The following DNLZ variants were observed in gnomAD, a reference collection of about 807,000 sequenced individuals.
The protein encoded by DNLZ is DNL-type zinc finger, also known as DNL-type zinc finger protein.
Under a neutral mutation model 7.8 loss-of-function variants are expected in DNLZ, and 15 were observed. The ratio of observed to expected loss-of-function variants is 1.91; its 90% CI spans 1.28 to 2.95. The LOEUF is 2.95. DNLZ is among the 30% of genes most tolerant of loss of function. The pLI is 0.00. For synonymous variants in DNLZ, 123 were observed against 77.8 expected (o/e 1.58, Z -3.05); for missense variants, 255 against 167.3 (o/e 1.52, Z -2.89).
At position 136,361,252 on chromosome 9, in the gene DNLZ, T is replaced by C. The variant is rs1370499808; in HGVS notation, c.*760A>G. 2.6e-5 allele frequency: 4 copies of C among 152,136 alleles called. No homozygotes were observed. The highest frequency in any genetic ancestry group is 5.9e-5 in the Non-Finnish European group (4 of 68,056). The allele number at this position is 152,136 out of a possible 1,614,324, so 9.4% of individuals were successfully genotyped here. A position where few individuals can be genotyped will look rare whatever the true frequency, so the allele number is the denominator to read the frequency against. On this transcript the variant is annotated 3_prime_UTR_variant, in exon 3 of 3. Coordinates refer to ENST00000371738, the MANE Select transcript of DNLZ (RefSeq NM_001080849.3). ...CGCCCCATTCTCTTCCCTGCCGGAG[T>C]GTGGCGGGTGATGAATGCTGAAGGT... is the stretch of plus-strand genomic sequence containing the variant.
rs778791770 is a variant in DNLZ at position 136,363,085 on chromosome 9, T to A, written c.272A>T (p.Tyr91Phe). Reference sequence around the variant, plus strand: ...GGTCACAATGACCACGCCTTGGTGATAGGCCAGCTTGGAGATGCGCTTGGA... The same window carrying A: ...GGTCACAATGACCACGCCTTGGTGAAAGGCCAGCTTGGAGATGCGCTTGGA... ...RSSKRISKLA[Y>F]HQGVVIVTCP... Residue 91 changes from tyrosine to phenylalanine, a missense_variant, in exon 2 of 3, where the codon TAT (tyrosine) becomes TTT (phenylalanine). Coordinates refer to ENST00000371738, the MANE Select transcript of DNLZ (RefSeq NM_001080849.3). 6.2e-7 allele frequency: 1 copy of A among 1,613,656 alleles called. No individual in the cohort carries two copies. Among genetic ancestry groups the A allele is most frequent in the Non-Finnish European group, 8.5e-7 (1 of 1,179,986 alleles).
chr9:136,363,354 C>T, intron 1 of DNLZ, 133 bp downstream of exon 1: 4 of 715,744 alleles, frequency 5.6e-6, no homozygotes, highest in Admixed American at 1.9e-5. Flanking sequence ...CCCAGAAGCC[C>T]CAAGGGGTGG....
At chr9:136,363,241 GC>G in intron 1 of DNLZ, 113 bp from the exon 2 acceptor site, 1 of 1,205,920 alleles carries the variant, frequency 8.3e-7, no homozygotes, top group Non-Finnish European at 1.1e-6. Flanking sequence ...AGAAGGCCCC[GC>G]CCCCGAGGGA....
rs749172834 is a variant in DNLZ, at chr9:136,362,972, T to C, written c.368+17A>G. Reference sequence around the variant, plus strand: ...TCTGGGTGGCCTTCTGGCCCAGCCCTGGGGTACAGGCCTCACCTCTTCCCA... The same window carrying C: ...TCTGGGTGGCCTTCTGGCCCAGCCCCGGGGTACAGGCCTCACCTCTTCCCA... On this transcript the variant is annotated intron_variant, in intron 2 of 2. Coordinates refer to ENST00000371738, the MANE Select transcript of DNLZ (RefSeq NM_001080849.3). 4.6e-5 allele frequency: 74 copies of C among 1,612,932 alleles called. No homozygotes were observed. Among genetic ancestry groups the C allele is most frequent in the Admixed American group, 1.0e-4 (6 of 59,984 alleles).
At position 136,361,723 on chromosome 9, in the gene DNLZ, C is replaced by T; in HGVS notation, c.*289G>A. 3.0e-6 allele frequency: 1 copy of T among 334,824 alleles called. No homozygotes were observed. The highest frequency in any genetic ancestry group is 4.5e-5 in the East Asian group (1 of 22,150). The allele number at this position is 334,824 out of a possible 1,614,324, so 20.7% of individuals were successfully genotyped here. On this transcript the variant is annotated 3_prime_UTR_variant, in exon 3 of 3. Coordinates refer to ENST00000371738, the MANE Select transcript of DNLZ (RefSeq NM_001080849.3). ...GGAAGGGCTCTGACGCCACATCCAG[C>T]CCCCTTTCCACGCGACTGTGGCCTC...
Position 136,363,072 on chromosome 9 carries a change from C to T in DNLZ, c.285G>A (p.Val95=). 1.2e-6 allele frequency: 2 copies of T among 1,613,702 alleles called. No individual in the cohort carries two copies. The highest frequency in any genetic ancestry group is 1.7e-6 in the Non-Finnish European group (2 of 1,179,964). ...GGCAGCCGGGGCAGGTCACAATGAC[C>T]ACGCCTTGGTGATAGGCCAGCTTGG... The part of the protein sequence containing the change: ...RISKLAYHQG[V]VIVTCPGCQN... Residue 95 remains valine, a synonymous_variant, in exon 2 of 3, where the codon GTG becomes GTA. Transcript: ENST00000371738.
chr9:136,360,034 T>G lies in DNLZ; in HGVS notation c.*1978A>C, dbSNP rs1832954587. ...CCACAGTGGAGGAGCCGACGGCAGA[T>G]CTGCAGTCTTGGGGCTTGTCTGGGC... is the stretch of plus-strand genomic sequence containing the variant. On this transcript the variant is annotated 3_prime_UTR_variant, in exon 3 of 3. Transcript: ENST00000371738. The G allele has an allele frequency of 6.6e-6, 1 of 152,214 alleles. No homozygotes were observed. Among genetic ancestry groups the G allele is most frequent in the Admixed American group, 6.5e-5 (1 of 15,280 alleles). The allele number at this position is 152,214 out of a possible 1,614,324, so 9.4% of individuals were successfully genotyped here. A position where few individuals can be genotyped will look rare whatever the true frequency, so the allele number is the denominator to read the frequency against.
At chr9:136,362,289 G>C (rs1293107645) in intron 2 of DNLZ, 109 bp from the exon 3 acceptor site, 6 of 1,010,058 alleles carry the variant, frequency 5.9e-6, no homozygotes, top group Non-Finnish European at 7.9e-6. Context: ...ACCAGGCCCA[G>C]CACTCCTGTG....
In DNLZ at chr9:136,360,992, G is replaced by A. The variant is rs1238027013; in HGVS notation, c.*1020C>T. ...GTGCCGGTGGCTCAGCCGAGAAGAGGACAGTTTCCACAAATGGCACAGAAG... is the reference window on the plus strand; with the variant it reads ...GTGCCGGTGGCTCAGCCGAGAAGAGAACAGTTTCCACAAATGGCACAGAAG... On this transcript the variant is annotated 3_prime_UTR_variant, in exon 3 of 3. Transcript: ENST00000371738. The A allele has an allele frequency of 2.6e-5, 4 of 152,252 alleles. No individual in the cohort carries two copies. The highest frequency in any genetic ancestry group is 2.1e-4 in the South Asian group (1 of 4,818). 9.4% of individuals were successfully genotyped at this position (152,252 alleles called of 1,614,324 possible).
At position 136,361,560 on chromosome 9, in the gene DNLZ, G is replaced by A. The variant is rs935934360; in HGVS notation, c.*452C>T. 7.0e-5 allele frequency: 11 copies of A among 156,546 alleles called. No individual in the cohort carries two copies. Among genetic ancestry groups the A allele is most frequent in the East Asian group, 5.6e-4 (3 of 5,372 alleles). 9.7% of individuals were successfully genotyped at this position (156,546 alleles called of 1,614,324 possible). ...ACTGTTTCGCCGACGGCCGGCGGCC[G>A]AGGACCAGGGCTCAGGTCTGCACTG... is the stretch of plus-strand genomic sequence containing the variant. On this transcript the variant is annotated 3_prime_UTR_variant, in exon 3 of 3. Coordinates refer to ENST00000371738, the MANE Select transcript of DNLZ (RefSeq NM_001080849.3).
Position 136,363,739 on chromosome 9 carries a change from T to TGCCCCGGCCCTGCCCCG in DNLZ, c.-26_-25insCGGGGCAGGGCCGGGGC, listed in dbSNP as rs1554774484. On this transcript the variant is annotated 5_prime_UTR_variant, in exon 1 of 3. Transcript: ENST00000371738. ...TCCCGCTCGCCGGCTCCGTCCGCCC[T>TGCCCCGGCCCTGCCCCG]GCCCCGGCCCCGCCCCGCCGCCATC... 1.5e-5 allele frequency: 7 copies of TGCCCCGGCCCTGCCCCG among 481,198 alleles called. No individual in the cohort carries two copies. Among genetic ancestry groups the TGCCCCGGCCCTGCCCCG allele is most frequent in the Non-Finnish European group, 2.5e-5 (7 of 278,472 alleles). 29.8% of individuals were successfully genotyped at this position (481,198 alleles called of 1,614,324 possible). A position where few individuals can be genotyped will look rare whatever the true frequency, so the allele number is the denominator to read the frequency against.
In DNLZ at chr9:136,363,099, G is replaced by A; in HGVS notation, c.258C>T (p.Ile86=). 1 of 1,613,540 alleles carries A rather than the reference G, an allele frequency of 6.2e-7. No homozygotes were observed. The highest frequency in any genetic ancestry group is 8.5e-7 in the Non-Finnish European group (1 of 1,179,980). Residue 86 remains isoleucine (I), a synonymous_variant, in exon 2 of 3, where the codon ATC becomes ATT. Coordinates refer to ENST00000371738, the MANE Select transcript of DNLZ (RefSeq NM_001080849.3). ...KVCGTRSSKR[I]SKLAYHQGVV... ...CGCCTTGGTGATAGGCCAGCTTGGA[G>A]ATGCGCTTGGAGGACCTAGTCCCGC...
chr9:136,363,266 C>T, intron 1 of DNLZ, 138 bp from the exon 2 acceptor site: 1 of 1,006,282 alleles, frequency 9.9e-7, no homozygotes, highest in East Asian at 2.6e-5. Flanking sequence ...CTCCACCCAC[C>T]CCCAACCTCG....
chr9:136,361,008 G>A lies in DNLZ; in HGVS notation c.*1004C>T, dbSNP rs1209061967. Reference sequence around the variant, plus strand: ...CGAGAAGAGGACAGTTTCCACAAATGGCACAGAAGGCTCTGGGTGGGAATA... The same window carrying A: ...CGAGAAGAGGACAGTTTCCACAAATAGCACAGAAGGCTCTGGGTGGGAATA... On this transcript the variant is annotated 3_prime_UTR_variant, in exon 3 of 3. Transcript: ENST00000371738. 1 of 152,294 alleles carries A rather than the reference G, an allele frequency of 6.6e-6. No homozygotes were observed. Among genetic ancestry groups the A allele is most frequent in the East Asian group, 1.9e-4 (1 of 5,198 alleles). 9.4% of individuals were successfully genotyped at this position (152,294 alleles called of 1,614,324 possible). A position where few individuals can be genotyped will look rare whatever the true frequency, so the allele number is the denominator to read the frequency against.
intron 2 of DNLZ, among the ~76,000 whole-genome samples, chr9:136,362,647 G>T (rs762695775): frequency 3.9e-5 from 6 of 152,226 alleles, no homozygotes; most frequent in African/African-American, 1.4e-4. Flanking sequence ...AAGCCTTGCT[G>T]TGGGCCAGCC....
Position 136,363,699 on chromosome 9 carries a change from G to C in DNLZ, c.16C>G (p.Leu6Val). Residue 6 changes from leucine (L) to valine (V), a missense_variant, in exon 1 of 3, where the codon CTG becomes GTG. By Grantham distance (32) the Leu-to-Val change is conservative. Coordinates refer to ENST00000371738, the MANE Select transcript of DNLZ (RefSeq NM_001080849.3). MLRTA[L>V]RGAPRLLSRV... ...CTCAGCAACCTCGGCGCGCCGCGCAGCGCAGTCCGCAGCATCCCGCTCGCC... is the reference window on the plus strand; with the variant it reads ...CTCAGCAACCTCGGCGCGCCGCGCACCGCAGTCCGCAGCATCCCGCTCGCC... 2.2e-6 allele frequency: 1 copy of C among 457,836 alleles called. No homozygotes were observed. The highest frequency in any genetic ancestry group is 3.4e-5 in the South Asian group (1 of 29,386). 28.4% of individuals were successfully genotyped at this position (457,836 alleles called of 1,614,324 possible).
rs754717478 is a variant in DNLZ, at chr9:136,362,046, C to A, written c.503G>T (p.Gly168Val). 7 of 1,395,836 alleles carry A rather than the reference C, an allele frequency of 5.0e-6. No homozygotes were observed. In the East Asian group the frequency reaches 1.7e-4, roughly 34 times the overall value. 86.5% of individuals were successfully genotyped at this position (1,395,836 alleles called of 1,614,324 possible). The change falls in exon 3 of 3, where the codon GGT becomes GTT. Residue 168 changes from glycine to valine, a missense_variant. Coordinates refer to ENST00000371738, the MANE Select transcript of DNLZ (RefSeq NM_001080849.3). ...CTCCGTCTTGCCAGGGCTGGGGGGA[C>A]CCTCATCCTCACCCGCTTCCGGAGC... ...TAAPEAGEDE[G>V]PPSPGKTEPS
In DNLZ at chr9:136,361,979, G is replaced by A. The variant is rs1832987091; in HGVS notation, c.*33C>T. 3 of 1,265,144 alleles carry A rather than the reference G, an allele frequency of 2.4e-6. No individual in the cohort carries two copies. The highest frequency in any genetic ancestry group is 3.9e-5 in the Admixed American group (1 of 25,518). 78.4% of individuals were successfully genotyped at this position (1,265,144 alleles called of 1,614,324 possible). On this transcript the variant is annotated 3_prime_UTR_variant, in exon 3 of 3. Coordinates refer to ENST00000371738, the MANE Select transcript of DNLZ (RefSeq NM_001080849.3). The stretch of plus-strand genomic sequence containing the variant: ...CAGGGCCAAAACCTCCTTCTGGAAG[G>A]CCGAAGTCCCACAGTGCCGGGGAGC...
rs936216841 is a variant in DNLZ at position 136,362,196 on chromosome 9, G to A, written c.369-16C>T. On this transcript the variant is annotated splice_polypyrimidine_tract_variant and intron_variant, in intron 2 of 2. Coordinates refer to ENST00000371738, the MANE Select transcript of DNLZ (RefSeq NM_001080849.3). ...TTCGATATTTCTGGGGGGCAGGGAG[G>A]CAACATGGCTCTTCAGGGCCCCCCA... 2 of 1,469,764 alleles carry A rather than the reference G, an allele frequency of 1.4e-6. No individual in the cohort carries two copies. The highest frequency in any genetic ancestry group is 1.8e-6 in the Non-Finnish European group (2 of 1,111,488). 91.0% of individuals were successfully genotyped at this position (1,469,764 alleles called of 1,614,324 possible). A position where few individuals can be genotyped will look rare whatever the true frequency, so the allele number is the denominator to read the frequency against.
Sources: allele counts gnomAD v4.1 joint callset (sites outside exome capture counted in the v4.1 genomes callset), GRCh38; gene constraint gnomAD v4.1.1; transcripts MANE v1.5; gene names NCBI Gene and HGNC (gene_info 2026-07-23, HGNC 2026-07-21).